Variants in DNAI2 observed in about 807,000 individuals in gnomAD.
DNAI2 encodes dynein, axonemal, intermediate polypeptide 2.
A neutral mutation model predicts 74.7 loss-of-function variants in DNAI2; 63 were observed. That is an observed-to-expected ratio of 0.84 (90% confidence interval 0.69 to 1.04). The LOEUF (loss-of-function observed/expected upper bound fraction) is 1.04. Ranked by LOEUF, DNAI2 falls within the 50% of genes least tolerant of loss-of-function variation. The pLI, the probability that DNAI2 is intolerant of heterozygous loss-of-function variation, is 0.00. For missense variants in DNAI2, 688 were observed against 803.2 expected (o/e 0.86, Z 1.73); for synonymous variants, 289 against 314.9 (o/e 0.92, Z 0.87).
rs1246377044 is a variant in DNAI2 at position 74,309,379 on chromosome 17, C to T, written c.1338C>T (p.Leu446=). 1.2e-6 allele frequency: 2 copies of T among 1,614,090 alleles called. No individual in the cohort carries two copies. Residue 446 remains leucine, a synonymous_variant, in exon 10 of 14, where the codon CTC becomes CTT. Transcript: ENST00000311014. ...TGTTCGAGCAGTGCGATCCCACCCT[C>T]AGCTTGAAGGTCACGCGCATGTCCC... ...DFMFEQCDPT[L]SLKVCDEALF... is the part of the protein sequence containing the mutation.
chr17:74,284,349 A>T (rs138636168), intron 2 of DNAI2, among the ~76,000 whole-genome samples: 1 of 152,306 alleles, frequency 6.6e-6, no homozygotes, highest in Non-Finnish European at 1.5e-5. Flanking sequence ...TGACACTGAC[A>T]TTGTCAGTGA....
At chr17:74,294,207 A>G (rs530358190) in intron 6 of DNAI2, among the ~76,000 whole-genome samples, 4 of 149,688 alleles carry the variant, frequency 2.7e-5, no homozygotes, top group South Asian at 4.2e-4. Context: ...TTTTTTTCCT[A>G]TATGTCTTAC....
At chr17:74,310,296 C>G (rs1345301675) in intron 11 of DNAI2, 133 bp downstream of exon 11, 4 of 1,283,512 alleles carry the variant, frequency 3.1e-6, no homozygotes, top group Non-Finnish European at 4.2e-6. Flanking sequence ...TTGGGGGAAG[C>G]AGTGTGGGCT....
chr17:74,277,891 C>G (rs2051189301), intron 1 of DNAI2, among the ~76,000 whole-genome samples: 1 of 152,158 alleles, frequency 6.6e-6, no homozygotes, highest in African/African-American at 2.4e-5. Flanking sequence ...ATCAATGGTC[C>G]TCAAAGTTGG....
intron 8 of DNAI2, among the ~76,000 whole-genome samples, chr17:74,303,120 G>T (rs530856600): frequency 6.6e-6 from 1 of 152,276 alleles, no homozygotes; most frequent in South Asian, 2.1e-4. Context: ...TTGTGCAGTC[G>T]CCTACAACCA....
At chr17:74,284,959 G>C (rs1464047479) in intron 2 of DNAI2, 81 bp from the exon 3 acceptor site, 7 of 1,593,562 alleles carry the variant, frequency 4.4e-6, no homozygotes, top group Non-Finnish European at 6.0e-6. Flanking sequence ...GGGAGCCCCC[G>C]TGGGACCTGG....
chr17:74,308,774 G>A (rs566692331), intron 9 of DNAI2, among the ~76,000 whole-genome samples: 77 of 151,922 alleles, frequency 5.1e-4, no homozygotes, highest in African/African-American at 1.8e-3. Context: ...TTCCTGCCTT[G>A]GCCTCCCAAA....
chr17:74,295,102 A>G (rs941323154), intron 6 of DNAI2, among the ~76,000 whole-genome samples: 3 of 152,010 alleles, frequency 2.0e-5, no homozygotes, highest in Non-Finnish European at 2.9e-5. Context: ...TTTAAAAATA[A>G]TTTCTGTCTC....
At chr17:74,296,052 C>G (rs1165883927) in intron 6 of DNAI2, among the ~76,000 whole-genome samples, 3 of 152,156 alleles carry the variant, frequency 2.0e-5, no homozygotes, top group Non-Finnish European at 4.4e-5. Context: ...TGACACAGCT[C>G]TGGGCGTGCA....
In DNAI2 at chr17:74,285,123, G is replaced by A. The variant is rs1469550104; in HGVS notation, c.267G>A (p.Glu89=). The change falls in exon 3 of 14, where the codon GAG becomes GAA. Residue 89 remains glutamate, a synonymous_variant. Transcript: ENST00000311014. ...GGCCCAAGGACGTGAACCCCCTGGA[G>A]CTGGAGCAGACCATCCGTTTCCGGA... ...GGWPKDVNPL[E]LEQTIRFRKK... The A allele has an allele frequency of 6.2e-7, 1 of 1,614,242 alleles. No homozygotes were observed. Among genetic ancestry groups the A allele is most frequent in the Admixed American group, 1.7e-5 (1 of 60,024 alleles).
chr17:74,311,430 A>G (rs2053520446), intron 11 of DNAI2, among the ~76,000 whole-genome samples: 1 of 152,138 alleles, frequency 6.6e-6, no homozygotes, highest in African/African-American at 2.4e-5. Context: ...CCTGACCAAC[A>G]TGAAGAAACC....
At chr17:74,283,327 G>T (rs1490654523) in intron 2 of DNAI2, among the ~76,000 whole-genome samples, 2 of 152,240 alleles carry the variant, frequency 1.3e-5, no homozygotes, top group African/African-American at 4.8e-5. Flanking sequence ...AACAGGAAGG[G>T]CTGGGTGTGC....
Position 74,312,004 on chromosome 17 carries a change from T to C in DNAI2, c.1496T>C (p.Met499Thr). 6.2e-7 allele frequency: 1 copy of C among 1,610,540 alleles called. No homozygotes were observed. Among genetic ancestry groups the C allele is most frequent in the East Asian group, 2.2e-5 (1 of 44,798 alleles). ...CTCTCTCTGTCCCTGGGTGCCCAGA[T>C]GTTTGAGCGTGAGACCCGGCGAGAG... ...QRNEKNVASS[M>T]FERETRREKI... The change falls in exon 12 of 14, where the codon ATG becomes ACG. Residue 499 changes from methionine to threonine, a missense_variant and splice_region_variant. Coordinates refer to ENST00000311014, the MANE Select transcript of DNAI2 (RefSeq NM_023036.6).
In DNAI2 at chr17:74,314,230, A is replaced by G. The variant is rs1395781279; in HGVS notation, c.*14A>G. On this transcript the variant is annotated 3_prime_UTR_variant, in exon 13 of 14. Coordinates refer to ENST00000311014, the MANE Select transcript of DNAI2 (RefSeq NM_023036.6). ...GACTTAGCCTAGAAGTCAGCCTTCG[A>G]CTGCGGCGCTATCCCTGTGTGCCTT... is the stretch of plus-strand genomic sequence containing the variant. 1 of 1,613,984 alleles carries G rather than the reference A, an allele frequency of 6.2e-7. No individual in the cohort carries two copies. The highest frequency in any genetic ancestry group is 2.2e-5 in the East Asian group (1 of 44,872).
At chr17:74,312,675 G>A (rs1162274036) in intron 12 of DNAI2, among the ~76,000 whole-genome samples, 2 of 152,220 alleles carry the variant, frequency 1.3e-5, no homozygotes, top group Non-Finnish European at 2.9e-5. Flanking sequence ...TGTCAGGAGT[G>A]TGACCTGTGG....
rs376541043 is a variant in DNAI2, at chr17:74,312,110, T to C, written c.1602T>C (p.Asp534=). The part of the protein sequence containing the change: ...KAEGRDEEQT[D]EELAVDLEAL... ...AGGGCAGGGATGAGGAGCAGACCGA[T>C]GAGGAGCTGGCCGTAGACCTGGAGG... Residue 534 remains aspartate, a synonymous_variant, in exon 12 of 14, where the codon GAT becomes GAC. Coordinates refer to ENST00000311014, the MANE Select transcript of DNAI2 (RefSeq NM_023036.6). The C allele has an allele frequency of 1.9e-5, 31 of 1,613,504 alleles. No homozygotes were observed. The highest frequency in any genetic ancestry group is 2.5e-5 in the Non-Finnish European group (30 of 1,179,954).
At chr17:74,307,417 CA>C (rs2053249229) in intron 9 of DNAI2, 1 of 412,704 alleles carries the variant, frequency 2.4e-6, no homozygotes, top group Non-Finnish European at 4.9e-6. Context: ...CCTGTAATCC[CA>C]GCACTTTGGG....
At chr17:74,295,111 T>C (rs1268806117) in intron 6 of DNAI2, among the ~76,000 whole-genome samples, 1 of 151,980 alleles carries the variant, frequency 6.6e-6, no homozygotes, top group African/African-American at 2.4e-5. Flanking sequence ...AATTTCTGTC[T>C]CATTTGGATG....
intron 4 of DNAI2, 147 bp from the exon 5 acceptor site, chr17:74,289,447 A>AGGCAGGAGAATTGTTTGG: frequency 1.0e-6 from 1 of 995,514 alleles, no homozygotes; most frequent in Non-Finnish European, 1.5e-6. Context: ...GAATTGTTTG[A>AGGCAGGAGAATTGTTTGG]ACCCAGGAGG....
Sources: gnomAD v4.1 joint callset for allele counts (sites outside exome capture counted in the v4.1 genomes callset) on GRCh38, gnomAD v4.1.1 for gene constraint, MANE v1.5 for transcripts, NCBI Gene and HGNC (gene_info 2026-07-23, HGNC 2026-07-21) for gene names.